The following TXNDC16 variants were observed in gnomAD, a reference collection of about 807,000 sequenced individuals.
TXNDC16 encodes thioredoxin domain containing 16, also known as thioredoxin domain-containing protein 16.
Under a neutral mutation model 85.6 loss-of-function variants are expected in TXNDC16, and 74 were observed. The ratio of observed to expected loss-of-function variants is 0.86; its 90% CI spans 0.72 to 1.05. The LOEUF is 1.05. Ranked by LOEUF, TXNDC16 falls within the 50% of genes least tolerant of loss-of-function variation. The pLI is 0.00. For synonymous variants in TXNDC16, 335 were observed against 326.5 expected, an observed-to-expected ratio of 1.03 and a Z score of -0.28; for missense variants, 959 against 947.0, an observed-to-expected ratio of 1.01 and a Z score of -0.17.
At chr14:52,459,397 C>A (rs1450322225) in intron 16 of TXNDC16, among the ~76,000 whole-genome samples, 2 of 152,100 alleles carry the variant, frequency 1.3e-5, no homozygotes, top group African/African-American at 4.8e-5. Context: ...CCTGAACAGA[C>A]CAGTAACAAG....
At position 52,430,921 on chromosome 14, in the gene TXNDC16, G is replaced by C. The variant is rs1407045035; in HGVS notation, c.*1383C>G. 6.6e-6 allele frequency: 1 copy of C among 152,194 alleles called. No individual in the cohort carries two copies. The highest frequency in any genetic ancestry group is 1.9e-4 in the East Asian group (1 of 5,196). The allele number at this position is 152,194 out of a possible 1,614,324, so 9.4% of individuals were successfully genotyped here. ...AAATATATGCACTTACTGAGTTTTAGCTGTTAGATTCCTTAAATTTCAGTT... is the reference window on the plus strand; with the variant it reads ...AAATATATGCACTTACTGAGTTTTACCTGTTAGATTCCTTAAATTTCAGTT... On this transcript the variant is annotated 3_prime_UTR_variant, in exon 21 of 21. Coordinates refer to ENST00000281741, the MANE Select transcript of TXNDC16 (RefSeq NM_020784.3).
chr14:52,506,195 A>C (rs1212901535), intron 9 of TXNDC16, among the ~76,000 whole-genome samples: 1 of 152,224 alleles, frequency 6.6e-6, no homozygotes, highest in Non-Finnish European at 1.5e-5. Flanking sequence ...ATCAATAGAA[A>C]AAGAGGGAAT....
chr14:52,551,959 C>A lies in TXNDC16; in HGVS notation c.-182+357G>T, dbSNP rs538778228. On this transcript the variant is annotated intron_variant, in intron 1 of 20. Transcript: ENST00000281741. Reference sequence around the variant, plus strand: ...GTTTGAAAGAACCAGCTTCCCCCTGCTCACAGATCGCTTCAACATCCATCT... The same window carrying A: ...GTTTGAAAGAACCAGCTTCCCCCTGATCACAGATCGCTTCAACATCCATCT... Among the ~76,000 whole-genome samples the A allele has an allele frequency of 4.7e-3, 706 of 151,108 alleles. 6 individuals are homozygous for A. The highest frequency in any genetic ancestry group is 0.016 in the African/African-American group (674 of 41,348).
Position 52,485,921 on chromosome 14 carries a change from C to T in TXNDC16, c.1108+2442G>A, listed in dbSNP as rs144038899. On this transcript the variant is annotated intron_variant, in intron 12 of 20. Coordinates refer to ENST00000281741, the MANE Select transcript of TXNDC16 (RefSeq NM_020784.3). ...GATCTGGATTTCACTACAACCTCAG[C>T]CATTTTCTATACGACTCTAGTCAAT... is the stretch of plus-strand genomic sequence containing the variant. Among the ~76,000 whole-genome samples the T allele has an allele frequency of 5.0e-3, 762 of 152,252 alleles. 3 individuals are homozygous for T. The highest frequency in any genetic ancestry group is 8.4e-3 in the Non-Finnish European group (572 of 68,018).
At chr14:52,456,774 A>T (rs1199192681) in intron 17 of TXNDC16, among the ~76,000 whole-genome samples, 2 of 152,200 alleles carry the variant, frequency 1.3e-5, no homozygotes, top group Non-Finnish European at 2.9e-5. Context: ...GCTCAAAAAG[A>T]AAAATTTATC....
At chr14:52,452,986 C>A (rs2035446908) in intron 18 of TXNDC16, among the ~76,000 whole-genome samples, 1 of 152,002 alleles carries the variant, frequency 6.6e-6, no homozygotes, top group Non-Finnish European at 1.5e-5. Context: ...AACTCTGTAT[C>A]AGTAGGAAAA....
At position 52,431,329 on chromosome 14, in the gene TXNDC16, A is replaced by G. The variant is rs2034889011; in HGVS notation, c.*975T>C. 6.6e-6 allele frequency: 1 copy of G among 152,242 alleles called. No individual in the cohort carries two copies. Among genetic ancestry groups the G allele is most frequent in the African/African-American group, 2.4e-5 (1 of 41,466 alleles). 9.4% of individuals were successfully genotyped at this position (152,242 alleles called of 1,614,324 possible). A position where few individuals can be genotyped will look rare whatever the true frequency, so the allele number is the denominator to read the frequency against. ...CCTGTTCAATCTGAAATTTAGCCAT[A>G]TAACTTGTAGAAATAAGAGGAGGTT... On this transcript the variant is annotated 3_prime_UTR_variant, in exon 21 of 21. Coordinates refer to ENST00000281741, the MANE Select transcript of TXNDC16 (RefSeq NM_020784.3).
chr14:52,514,800 T>C (rs2037040015), intron 8 of TXNDC16, 80 bp downstream of exon 8: 1 of 1,025,734 alleles, frequency 9.7e-7, no homozygotes, highest in Non-Finnish European at 1.5e-6. Flanking sequence ...GGGAGCATAA[T>C]GGAAATGCTA....
intron 15 of TXNDC16, 139 bp downstream of exon 15, chr14:52,470,373 C>T: frequency 1.8e-6 from 2 of 1,102,844 alleles, no homozygotes; most frequent in Non-Finnish European, 2.5e-6. Context: ...GAAATGTACA[C>T]AGACTTTCAT....
rs760710202 is a variant in TXNDC16 at position 52,511,367 on chromosome 14, T to G, written c.629A>C (p.His210Pro). 4 of 1,598,920 alleles carry G rather than the reference T, an allele frequency of 2.5e-6. No homozygotes were observed. The highest frequency in any genetic ancestry group is 2.7e-5 in the African/African-American group (2 of 74,802). The change falls in exon 9 of 21, where the codon CAT (histidine) becomes CCT (proline). Residue 210 changes from histidine to proline, a missense_variant. Transcript: ENST00000281741. ...TAGTTTACAATGAAAAAAGTAGAGA[T>G]GTGCATATTCCACATCCTCAGAGCT... ...SIGSEDVEYA[H>P]LYFFHCKLVL...
intron 1 of TXNDC16, among the ~76,000 whole-genome samples, chr14:52,550,275 C>T (rs1159523359): frequency 6.6e-6 from 1 of 152,168 alleles, no homozygotes; most frequent in African/African-American, 2.4e-5. Context: ...TACAAAGTTC[C>T]CATAAGAACA....
At position 52,440,269 on chromosome 14, in the gene TXNDC16, C is replaced by A. The variant is rs2035134844; in HGVS notation, c.2003+295G>T. ...AGAAAAAGGAACTGAAGGAAAAGTCCAAAAATCACAATGTTTACTATTCTG... is the reference window on the plus strand; with the variant it reads ...AGAAAAAGGAACTGAAGGAAAAGTCAAAAAATCACAATGTTTACTATTCTG... On this transcript the variant is annotated intron_variant, in intron 19 of 20. Transcript: ENST00000281741. 2.0e-5 allele frequency among the ~76,000 whole-genome samples: 3 copies of A among 152,056 alleles called. No individual in the cohort carries two copies. In the South Asian group the frequency reaches 6.2e-4, roughly 32 times the overall value.
intron 6 of TXNDC16, among the ~76,000 whole-genome samples, chr14:52,530,319 ATTATTTT>A (rs1566582134): frequency 8.3e-5 from 4 of 48,458 alleles, no homozygotes; most frequent in East Asian, 1.6e-3. Flanking sequence ...ATAATATATA[ATTATTTT>A]TATATTATAT....
chr14:52,451,285 A>G (rs1281964378), intron 18 of TXNDC16, among the ~76,000 whole-genome samples: 1 of 151,884 alleles, frequency 6.6e-6, no homozygotes, highest in Non-Finnish European at 1.5e-5. Flanking sequence ...AAACATGAAT[A>G]CTAATCCTAC....
chr14:52,476,748 T>C (rs1210605445), intron 14 of TXNDC16, among the ~76,000 whole-genome samples: 1 of 152,080 alleles, frequency 6.6e-6, no homozygotes, highest in Non-Finnish European at 1.5e-5. Flanking sequence ...TTGGAAAATA[T>C]ATTTGGGGGA....
At chr14:52,434,091 A>G (rs1045934467) in intron 20 of TXNDC16, among the ~76,000 whole-genome samples, 3 of 152,168 alleles carry the variant, frequency 2.0e-5, no homozygotes, top group Admixed American at 1.3e-4. Flanking sequence ...CGGGAGGTTG[A>G]GGCGGAAGGT....
intron 6 of TXNDC16, among the ~76,000 whole-genome samples, chr14:52,536,236 G>T (rs1457892350): frequency 6.7e-6 from 1 of 148,606 alleles, no homozygotes; most frequent in Non-Finnish European, 1.5e-5. Flanking sequence ...ATCATGTGAG[G>T]ACACAGGGAA....
Position 52,543,529 on chromosome 14 carries a change from A to C in TXNDC16, c.29T>G (p.Val10Gly). 6.2e-7 allele frequency: 1 copy of C among 1,613,180 alleles called. No individual in the cohort carries two copies. The change falls in exon 3 of 21, where the codon GTT becomes GGT. Residue 10 changes from valine (V) to glycine (G), a missense_variant. Val to Gly is a moderately radical substitution (Grantham distance 109). Coordinates refer to ENST00000281741, the MANE Select transcript of TXNDC16 (RefSeq NM_020784.3). MFSGFNVFR[V>G]GISFVIMCIF... Reference sequence around the variant, plus strand: ...GCACATTATGACAAAAGAGATCCCAACTCTAAAGACATTGAAGCCGGAAAA... The same window carrying C: ...GCACATTATGACAAAAGAGATCCCACCTCTAAAGACATTGAAGCCGGAAAA...
intron 14 of TXNDC16, among the ~76,000 whole-genome samples, chr14:52,471,566 C>T (rs2035908424): frequency 6.6e-6 from 1 of 152,152 alleles, no homozygotes; most frequent in Non-Finnish European, 1.5e-5. Flanking sequence ...TTTTCCTTAT[C>T]TCCTTATGTA....
Sources: allele counts gnomAD v4.1 joint callset (sites outside exome capture counted in the v4.1 genomes callset), GRCh38; gene constraint gnomAD v4.1.1; transcripts MANE v1.5; gene names NCBI Gene and HGNC (gene_info 2026-07-23, HGNC 2026-07-21).